RABGAP1L: variants seen among roughly 807,000 people sequenced by gnomAD.
The protein encoded by RABGAP1L is rab GTPase-activating protein 1-like.
In RABGAP1L, 63 loss-of-function variants were observed where a neutral mutation model predicts 137.7. The observed-to-expected ratio is 0.46, with a 90% CI of 0.37 to 0.56. RABGAP1L has a LOEUF of 0.56. Ranked by LOEUF, RABGAP1L falls within the 20% of genes least tolerant of loss-of-function variation. The pLI is 0.00. For missense variants in RABGAP1L, 1,095 were observed against 1,244.0 expected, an observed-to-expected ratio of 0.88 and a Z score of 1.80; for synonymous variants, 431 against 433.7, an observed-to-expected ratio of 0.99 and a Z score of 0.08.
intron 13 of RABGAP1L, among the ~76,000 whole-genome samples, chr1:174,599,147 G>T (rs1361793057): frequency 2.0e-5 from 3 of 152,084 alleles, no homozygotes; most frequent in Non-Finnish European, 4.4e-5. Flanking sequence ...ATAACATTTT[G>T]TAACCAATCA....
intron 13 of RABGAP1L, among the ~76,000 whole-genome samples, chr1:174,550,923 T>TATACAC (rs1666426004): frequency 1.5e-4 from 8 of 53,250 alleles, no homozygotes; most frequent in African/African-American, 1.1e-3. Flanking sequence ...CACACACACA[T>TATACAC]ATATATATAC....
At chr1:174,492,176 CTTTTTTT>C (rs756360090) in intron 13 of RABGAP1L, among the ~76,000 whole-genome samples, 6 of 120,010 alleles carry the variant, frequency 5.0e-5, no homozygotes, top group Admixed American at 1.7e-4. Flanking sequence ...TGTCGAATTA[CTTTTTTT>C]TTTTTTTTTT....
chr1:174,397,910 C>G (rs1462939332), intron 13 of RABGAP1L, among the ~76,000 whole-genome samples: 1 of 152,142 alleles, frequency 6.6e-6, no homozygotes, highest in Admixed American at 6.5e-5. Flanking sequence ...GCGAGAATAA[C>G]TCACAGAACT....
chr1:174,584,467 C>T (rs1016770963), intron 13 of RABGAP1L, among the ~76,000 whole-genome samples: 9 of 152,144 alleles, frequency 5.9e-5, no homozygotes, highest in Non-Finnish European at 1.3e-4. Flanking sequence ...GTGTCTCATG[C>T]CTGCAATCCT....
chr1:174,203,314 C>G (rs1403480950), intron 1 of RABGAP1L, among the ~76,000 whole-genome samples: 2 of 152,158 alleles, frequency 1.3e-5, no homozygotes, highest in Non-Finnish European at 2.9e-5. Flanking sequence ...GGTCCATCTT[C>G]AGTGTTCTGC....
intron 17 of RABGAP1L, among the ~76,000 whole-genome samples, chr1:174,750,828 A>G (rs1284347145): frequency 1.3e-5 from 2 of 152,156 alleles, no homozygotes; most frequent in East Asian, 3.8e-4. Flanking sequence ...ACTGTTGCCT[A>G]GTGGTTGTGA....
Position 174,187,539 on chromosome 1 carries a change from T to A in RABGAP1L, c.-34+27882T>A, listed in dbSNP as rs4650962. ...CATCTCATTGATAGCCTATAGTACA[T>A]TTTAAAATGGAAGTGTGTACATCCA... On this transcript the variant is annotated intron_variant, in intron 1 of 25. Transcript: ENST00000681986. Among the ~76,000 whole-genome samples, 1,103 of 152,194 alleles carry A rather than the reference T, an allele frequency of 7.2e-3. 12 individuals carry two copies. Among genetic ancestry groups the A allele is most frequent in the African/African-American group, 0.025 (1,032 of 41,550 alleles).
At chr1:174,841,462 A>T (rs1693390242) in intron 19 of RABGAP1L, among the ~76,000 whole-genome samples, 1 of 152,092 alleles carries the variant, frequency 6.6e-6, no homozygotes, top group African/African-American at 2.4e-5. Context: ...GCTAAAATAG[A>T]GTTCAGAGGC....
At chr1:174,244,053 A>G (rs1672049970) in intron 5 of RABGAP1L, among the ~76,000 whole-genome samples, 1 of 152,182 alleles carries the variant, frequency 6.6e-6, no homozygotes, top group Non-Finnish European at 1.5e-5. Flanking sequence ...TCTCTGCCCT[A>G]CAAAATAATT....
chr1:174,550,686 G>A (rs74225911), intron 13 of RABGAP1L, among the ~76,000 whole-genome samples: 11,808 of 150,980 alleles, frequency 0.078, 647 homozygotes, highest in East Asian at 0.32. Flanking sequence ...AAAGATCTGA[G>A]TAACACAACC....
chr1:174,981,453 T>C (rs2149386307), intron 23 of RABGAP1L, among the ~76,000 whole-genome samples: 1 of 151,870 alleles, frequency 6.6e-6, no homozygotes, highest in African/African-American at 2.4e-5. Flanking sequence ...GTAGACTGGG[T>C]GGGATTTTTT....
intron 18 of RABGAP1L, among the ~76,000 whole-genome samples, chr1:174,754,130 G>A (rs3117841): frequency 7.2e-5 from 11 of 152,170 alleles, no homozygotes; most frequent in Non-Finnish European, 1.5e-4. Flanking sequence ...TGGGCAGGAA[G>A]GCTTTGTCTG....
intron 13 of RABGAP1L, among the ~76,000 whole-genome samples, chr1:174,410,362 T>G (rs2149128093): frequency 6.6e-6 from 1 of 152,302 alleles, no homozygotes; most frequent in East Asian, 1.9e-4. Flanking sequence ...ATTTAAAAAT[T>G]TTAATTCATC....
chr1:174,171,813 C>T (rs1665411332), intron 1 of RABGAP1L, among the ~76,000 whole-genome samples: 1 of 151,684 alleles, frequency 6.6e-6, no homozygotes. Flanking sequence ...CCAGCCTGAC[C>T]AAAATGGTGA....
intron 14 of RABGAP1L, among the ~76,000 whole-genome samples, chr1:174,676,875 T>C (rs1284116336): frequency 6.6e-6 from 1 of 152,166 alleles, no homozygotes; most frequent in Non-Finnish European, 1.5e-5. Flanking sequence ...TTTGAACAGA[T>C]ACTGGATTCA....
intron 13 of RABGAP1L, among the ~76,000 whole-genome samples, chr1:174,495,530 A>T (rs1342273164): frequency 1.3e-5 from 2 of 152,176 alleles, no homozygotes; most frequent in Non-Finnish European, 2.9e-5. Context: ...AATTCAAAAG[A>T]TCCAAAAGGA....
chr1:174,763,914 T>C (rs1345315145), intron 18 of RABGAP1L, among the ~76,000 whole-genome samples: 5 of 151,764 alleles, frequency 3.3e-5, no homozygotes, highest in Non-Finnish European at 2.9e-5. Flanking sequence ...ATCACCTTTA[T>C]CTAATTCTAG....
At chr1:174,722,904 G>T (rs1212658010) in intron 17 of RABGAP1L, among the ~76,000 whole-genome samples, 1 of 152,066 alleles carries the variant, frequency 6.6e-6, no homozygotes, top group African/African-American at 2.4e-5. Context: ...CAATATTTTG[G>T]CTCTATTTTG....
intron 17 of RABGAP1L, among the ~76,000 whole-genome samples, chr1:174,732,155 C>T (rs762179539): frequency 3.3e-5 from 5 of 151,516 alleles, no homozygotes; most frequent in Middle Eastern, 3.5e-3. Context: ...GCCGAGATTG[C>T]GCCACTGCAT....
Sources: gnomAD v4.1 joint callset for allele counts (sites outside exome capture counted in the v4.1 genomes callset) on GRCh38, gnomAD v4.1.1 for gene constraint, MANE v1.5 for transcripts, NCBI Gene and HGNC (gene_info 2026-07-23, HGNC 2026-07-21) for gene names.